Variants in FMN2 observed in about 807,000 individuals in gnomAD.
The protein encoded by FMN2 is formin 2.
Under a neutral mutation model 142.3 loss-of-function variants are expected in FMN2, and 51 were observed. The ratio of observed to expected loss-of-function variants is 0.36; its 90% CI spans 0.29 to 0.45. FMN2 has a LOEUF of 0.45. Among genes scored for constraint, FMN2 ranks in the 20% least tolerant of loss-of-function variants. FMN2 has a pLI of 1.00. For missense variants in FMN2, 1,936 were observed against 2,122.8 expected (o/e 0.91, Z 1.73); for synonymous variants, 882 against 869.8 (o/e 1.01, Z -0.25).
In FMN2 at chr1:240,178,078, T is replaced by G; in HGVS notation, c.1930+10T>G. The G allele has an allele frequency of 6.4e-7, 1 of 1,569,674 alleles. No homozygotes were observed. Among genetic ancestry groups the G allele is most frequent in the Non-Finnish European group, 8.6e-7 (1 of 1,163,670 alleles). The stretch of plus-strand genomic sequence containing the variant: ...GAGGATGCTGAAACAGGTAACCCTT[T>G]CCTTTGTCTTCAGAGATAACTGGAA... On this transcript the variant is annotated intron_variant, in intron 3 of 17. Transcript: ENST00000319653.
intron 6 of FMN2, among the ~76,000 whole-genome samples, chr1:240,231,757 G>A (rs1023853297): frequency 6.6e-6 from 1 of 152,210 alleles, no homozygotes; most frequent in African/African-American, 2.4e-5. Context: ...TGTAAGGCAA[G>A]CTTCTTTGGG....
rs80309271 is a variant in FMN2 at position 240,333,991 on chromosome 1, C to T, written c.4644+45C>T. On this transcript the variant is annotated intron_variant, in intron 12 of 17. Coordinates refer to ENST00000319653, the MANE Select transcript of FMN2 (RefSeq NM_020066.5). ...TAGTCATATTCCATTATTCTTTATT[C>T]GTTGGATGATTTGGCAGTACTTTTT... 3.1e-4 allele frequency: 482 copies of T among 1,577,652 alleles called. 1 individual carries two copies. In the East Asian group the frequency reaches 9.8e-3, roughly 32 times the overall value.
At chr1:240,194,127 CCT>C (rs1289523352) in intron 4 of FMN2, among the ~76,000 whole-genome samples, 1 of 68,852 alleles carries the variant, frequency 1.5e-5, no homozygotes, top group East Asian at 2.4e-4. Context: ...CTTCTGCACT[CCT>C]CTTTTTAAAA....
At chr1:240,457,952 T>C (rs567543763) in intron 16 of FMN2, 1 of 152,500 alleles carries the variant, frequency 6.6e-6, no homozygotes, top group East Asian at 1.9e-4. Context: ...AGAACTGACC[T>C]GGATTTGGGA....
chr1:240,275,389 T>C (rs867457899), intron 7 of FMN2, among the ~76,000 whole-genome samples: 1 of 152,130 alleles, frequency 6.6e-6, no homozygotes, highest in Non-Finnish European at 1.5e-5. Context: ...GGTTTCCAGC[T>C]TCATCCATGT....
rs527352250 is a variant in FMN2 at position 240,215,211 on chromosome 1, A to G, written c.4065+3976A>G. ...GGAAATATATTTTGGTAAGTGCAGT[A>G]GTAGTAGTAATAGTAGTAATTATTA... On this transcript the variant is annotated intron_variant, in intron 6 of 17. Coordinates refer to ENST00000319653, the MANE Select transcript of FMN2 (RefSeq NM_020066.5). Among the ~76,000 whole-genome samples, 144 of 152,368 alleles carry G rather than the reference A, an allele frequency of 9.5e-4. 1 individual carries two copies. Among genetic ancestry groups the G allele is most frequent in the African/African-American group, 3.4e-3 (141 of 41,592 alleles).
chr1:240,207,482 T>C lies in FMN2; in HGVS notation c.2670T>C (p.Thr890=), dbSNP rs760653570. ...CTCTCCCTGGCATGACAGTGCCTAC[T>C]CTGCCCAGTACAGCCATTCCCCAAC... ...PPPLPGMTVP[T]LPSTAIPQPP... is the part of the protein sequence containing the mutation. The change falls in exon 5 of 18, where the codon ACT becomes ACC. Residue 890 remains threonine (T), a synonymous_variant. Transcript: ENST00000319653. The C allele has an allele frequency of 6.2e-7, 1 of 1,612,534 alleles. No individual in the cohort carries two copies. The highest frequency in any genetic ancestry group is 1.1e-5 in the South Asian group (1 of 91,008).
chr1:240,148,452 GAA>G (rs1247627802), intron 2 of FMN2, among the ~76,000 whole-genome samples: 2 of 113,968 alleles, frequency 1.8e-5, no homozygotes, highest in African/African-American at 5.4e-5. Context: ...CAGAGAGAGA[GAA>G]AGAGAGAGAG....
At chr1:240,203,093 T>C (rs899495672) in intron 4 of FMN2, among the ~76,000 whole-genome samples, 1 of 152,202 alleles carries the variant, frequency 6.6e-6, no homozygotes, top group African/African-American at 2.4e-5. Flanking sequence ...CAGTCAGAAA[T>C]ACTAATTGTA....
chr1:240,249,890 A>G (rs1558393000), intron 6 of FMN2, among the ~76,000 whole-genome samples: 1 of 151,874 alleles, frequency 6.6e-6, no homozygotes, highest in East Asian at 1.9e-4. Flanking sequence ...TTTCTTTCTC[A>G]GCTAGTTCAT....
chr1:240,367,767 C>CAAAAAAAAAAAAA (rs60368715), intron 14 of FMN2, among the ~76,000 whole-genome samples: 2 of 54,044 alleles, frequency 3.7e-5, no homozygotes, highest in Non-Finnish European at 4.7e-5. Context: ...GACTCAGTCT[C>CAAAAAAAAAAAAA]AAAAAAAAAA....
At chr1:240,141,283 G>A (rs1029895770) in intron 2 of FMN2, among the ~76,000 whole-genome samples, 6 of 152,198 alleles carry the variant, frequency 3.9e-5, no homozygotes, top group African/African-American at 1.4e-4. Context: ...TAAGACAAGA[G>A]TGAAGCTTAG....
intron 6 of FMN2, among the ~76,000 whole-genome samples, chr1:240,211,806 T>C (rs768932943): frequency 2.0e-5 from 3 of 152,196 alleles, no homozygotes; most frequent in Admixed American, 6.5e-5. Context: ...AAAAGAAAGA[T>C]TGGTGCATTT....
intron 6 of FMN2, among the ~76,000 whole-genome samples, chr1:240,224,995 C>T (rs1667246814): frequency 6.6e-6 from 1 of 152,052 alleles, no homozygotes; most frequent in Non-Finnish European, 1.5e-5. Flanking sequence ...TCAGATAAAA[C>T]AAATATAAGT....
chr1:240,093,131 G>A lies in FMN2; in HGVS notation c.1022G>A (p.Gly341Glu), dbSNP rs968213008. The change falls in exon 1 of 18, where the codon GGG (glycine) becomes GAG (glutamate). Residue 341 changes from glycine (G) to glutamate (E), a missense_variant. Gly to Glu is a moderately conservative substitution (Grantham distance 98, BLOSUM62 -2). Coordinates refer to ENST00000319653, the MANE Select transcript of FMN2 (RefSeq NM_020066.5). The stretch of plus-strand genomic sequence containing the variant: ...GAAGCGGCCGGAGCCCCCGTGCGAG[G>A]GGCTGGGGACACGGATGAGGAGGGT... Reference protein sequence around the residue: ...GEEAAGAPVRGAGDTDEEGEE... With the variant: ...GEEAAGAPVREAGDTDEEGEE... 7.1e-6 allele frequency: 10 copies of A among 1,408,086 alleles called. No homozygotes were observed. Among genetic ancestry groups the A allele is most frequent in the South Asian group, 1.6e-5 (1 of 63,804 alleles). The allele number at this position is 1,408,086 out of a possible 1,614,324, so 87.2% of individuals were successfully genotyped here.
intron 1 of FMN2, among the ~76,000 whole-genome samples, chr1:240,117,769 G>T (rs185457098): frequency 6.6e-6 from 1 of 152,164 alleles, no homozygotes; most frequent in Non-Finnish European, 1.5e-5. Flanking sequence ...TGATTATCCC[G>T]TCTTTGCCAG....
At chr1:240,149,177 A>G (rs1305304343) in intron 2 of FMN2, among the ~76,000 whole-genome samples, 2 of 152,220 alleles carry the variant, frequency 1.3e-5, no homozygotes, top group Non-Finnish European at 2.9e-5. Flanking sequence ...TGTACTTATC[A>G]AAGTTTCAAA....
chr1:240,361,148 T>A (rs12081209), intron 14 of FMN2, among the ~76,000 whole-genome samples: 753 of 14,682 alleles, frequency 0.051, 7 homozygotes, highest in African/African-American at 0.33. Context: ...TGTGTATATA[T>A]ATATATATAT....
At chr1:240,132,746 A>C (rs1662790337) in intron 2 of FMN2, among the ~76,000 whole-genome samples, 1 of 152,090 alleles carries the variant, frequency 6.6e-6, no homozygotes, top group Non-Finnish European at 1.5e-5. Flanking sequence ...ATGGACGTGG[A>C]ATACTCTCTA....
Sources: allele counts gnomAD v4.1 joint callset (sites outside exome capture counted in the v4.1 genomes callset), GRCh38; gene constraint gnomAD v4.1.1; transcripts MANE v1.5; gene names NCBI Gene and HGNC (gene_info 2026-07-23, HGNC 2026-07-21).